ODAD3: variants seen among roughly 807,000 people sequenced by gnomAD.
ODAD3 encodes outer dynein arm docking complex subunit 3.
In ODAD3, 57 loss-of-function variants were observed where a neutral mutation model predicts 70.9. That is an observed-to-expected ratio of 0.80 (90% CI 0.65 to 1.00). ODAD3 has a LOEUF of 1.00. Ranked by LOEUF, ODAD3 falls within the 50% of genes least tolerant of loss-of-function variation. The pLI is 0.00. For synonymous variants in ODAD3, 327 were observed against 315.9 expected (o/e 1.04, Z -0.37); for missense variants, 797 against 763.9 (o/e 1.04, Z -0.51).
chr19:11,426,993 C>A lies in ODAD3; in HGVS notation c.492G>T (p.Gln164His). ...DHRLREKVKQQNALRHQVVLR... is the reference protein window; with the variant it reads ...DHRLREKVKQHNALRHQVVLR... ...ACACCACCTGGTGCCGCAGGGCGTT[C>A]TGCTGCTTCACCTTCTCCCTCAGCC... is the stretch of plus-strand genomic sequence containing the variant. Residue 164 changes from glutamine (Q) to histidine (H), a missense_variant, in exon 4 of 13, where the codon CAG becomes CAT. Coordinates refer to ENST00000356392, the MANE Select transcript of ODAD3 (RefSeq NM_145045.5). The A allele has an allele frequency of 1.2e-6, 2 of 1,604,832 alleles. No homozygotes were observed. The highest frequency in any genetic ancestry group is 2.2e-5 in the East Asian group (1 of 44,842).
chr19:11,431,800 G>A lies in ODAD3; in HGVS notation c.245-780C>T, dbSNP rs558539850. ...ATACAAAAAAAAAAAAAAATTAGCC[G>A]TGCATGGTGGCAGGCACCTGTAGTC... On this transcript the variant is annotated intron_variant, in intron 1 of 12. Transcript: ENST00000356392. Among the ~76,000 whole-genome samples, 12 of 151,096 alleles carry A rather than the reference G, an allele frequency of 7.9e-5. No individual in the cohort carries two copies. The South Asian group carries it at 1.0e-3, about 13-fold the overall frequency.
At position 11,421,726 on chromosome 19, in the gene ODAD3, A is replaced by G. The variant is rs941051010; in HGVS notation, c.1541T>C (p.Leu514Pro). Residue 514 changes from leucine (L) to proline (P), a missense_variant, in exon 11 of 13, where the codon CTC (leucine) becomes CCC (proline). Physicochemically the swap from Leu to Pro is moderately conservative, Grantham distance 98. Transcript: ENST00000356392. ...CATCTCCTGCACGTCGTGGCCCTGG[A>G]GCTGCGCCTGCAGTTTCAGCAGCTT... The part of the protein sequence containing the change: ...EEKLLKLQAQ[L>P]QGHDVQEMLC... 3.1e-6 allele frequency: 5 copies of G among 1,613,178 alleles called. No individual in the cohort carries two copies. Among genetic ancestry groups the G allele is most frequent in the African/African-American group, 2.7e-5 (2 of 74,896 alleles).
intron 7 of ODAD3, among the ~76,000 whole-genome samples, chr19:11,425,388 CATATGTGTATATGTATATATACAT>C (rs1414336861): frequency 8.8e-6 from 1 of 113,650 alleles, no homozygotes; most frequent in East Asian, 2.9e-4. Context: ...TGTGTATGTA[CATATGTGTATATGTATATATACAT>C]ATATGTGTAT....
At position 11,422,153 on chromosome 19, in the gene ODAD3, C is replaced by T. The variant is rs1210622846; in HGVS notation, c.1434+318G>A. Among the ~76,000 whole-genome samples, 1 of 152,216 alleles carries T rather than the reference C, an allele frequency of 6.6e-6. No homozygotes were observed. Among genetic ancestry groups the T allele is most frequent in the African/African-American group, 2.4e-5 (1 of 41,454 alleles). ...GATAGGTCTTCTGTCTCGGGCTGCT[C>T]CAGAACTGCAGATAGGTCTCCGAGC... On this transcript the variant is annotated intron_variant, in intron 10 of 12. Transcript: ENST00000356392. This position sits in a 1 kb window ranked among gnomAD's most constrained non-coding sequence, Gnocchi z 4.6.
Position 11,434,904 on chromosome 19 carries a change from T to G in ODAD3, c.113A>C (p.His38Pro), listed in dbSNP as rs1194442748. 3.1e-6 allele frequency: 5 copies of G among 1,613,952 alleles called. No individual in the cohort carries two copies. In the African/African-American group the frequency reaches 6.7e-5, roughly 22 times the overall value. ...KGREASGKPS[H>P]LRGKGTAQAW... ...CTGGGCTGTGCCCTTGCCTCGGAGGTGGCTGGGTTTGCCCGAAGCCTCCCT... is the reference window on the plus strand; with the variant it reads ...CTGGGCTGTGCCCTTGCCTCGGAGGGGGCTGGGTTTGCCCGAAGCCTCCCT... The change falls in exon 1 of 13, where the codon CAC (histidine) becomes CCC (proline). Residue 38 changes from histidine to proline, a missense_variant. Physicochemically the swap from His to Pro is moderately conservative, Grantham distance 77. Transcript: ENST00000356392.
Position 11,426,130 on chromosome 19 carries a change from CT to C in ODAD3, c.963+13del, listed in dbSNP as rs1033345708. The C allele has an allele frequency of 1.2e-6, 2 of 1,602,186 alleles. No individual in the cohort carries two copies. The highest frequency in any genetic ancestry group is 1.7e-6 in the Non-Finnish European group (2 of 1,177,216). On this transcript the variant is annotated intron_variant, in intron 7 of 12. Coordinates refer to ENST00000356392, the MANE Select transcript of ODAD3 (RefSeq NM_145045.5). Reference sequence around the variant, plus strand: ...GGGCTGGAGTCACAGGCGCGCACCCCTGGGTGCGCCCACCTTGCGCTCCATG... The same window carrying C: ...GGGCTGGAGTCACAGGCGCGCACCCCGGGTGCGCCCACCTTGCGCTCCATG...
rs549491869 is a variant in ODAD3 at position 11,421,850 on chromosome 19, C to T, written c.1435-18G>A. 7.5e-6 allele frequency: 12 copies of T among 1,606,066 alleles called. No individual in the cohort carries two copies. The highest frequency in any genetic ancestry group is 1.0e-5 in the Non-Finnish European group (12 of 1,176,378). On this transcript the variant is annotated intron_variant, in intron 10 of 12. Coordinates refer to ENST00000356392, the MANE Select transcript of ODAD3 (RefSeq NM_145045.5). Reference sequence around the variant, plus strand: ...CCGTCCTCCTGCGGCCAGGGTAGAGCCGGGTCAGCCGAGAGGGGTGGGGCC... The same window carrying T: ...CCGTCCTCCTGCGGCCAGGGTAGAGTCGGGTCAGCCGAGAGGGGTGGGGCC...
chr19:11,426,512 G>T lies in ODAD3; in HGVS notation c.774C>A (p.Thr258=), dbSNP rs1346219352. The T allele has an allele frequency of 6.2e-7, 1 of 1,613,946 alleles. No homozygotes were observed. Among genetic ancestry groups the T allele is most frequent in the Non-Finnish European group, 8.5e-7 (1 of 1,179,986 alleles). Reference sequence around the variant, plus strand: ...CGTGCAGTGCCTCCAGCTCATGTTTGGTCCTCACCACCTCAGCCTCCATGG... The same window carrying T: ...CGTGCAGTGCCTCCAGCTCATGTTTTGTCCTCACCACCTCAGCCTCCATGG... ...LDSMEAEVVR[T]KHELEALHVV... The change falls in exon 6 of 13, where the codon ACC becomes ACA. Residue 258 remains threonine, a synonymous_variant. Coordinates refer to ENST00000356392, the MANE Select transcript of ODAD3 (RefSeq NM_145045.5).
rs185183946 is a variant in ODAD3, at chr19:11,432,137, A to C, written c.245-1117T>G. On this transcript the variant is annotated intron_variant, in intron 1 of 12. Transcript: ENST00000356392. ...AAAAACAAAACAAAACAAAACAAAA[A>C]ACCCCAAAATCCTTCCATACTCAAG... Among the ~76,000 whole-genome samples, 105 of 152,094 alleles carry C rather than the reference A, an allele frequency of 6.9e-4. 1 individual carries two copies. In the East Asian group the frequency reaches 0.018, roughly 25 times the overall value.
rs1039712925 is a variant in ODAD3, at chr19:11,430,916, G to T, written c.349C>A (p.Leu117Met). ...RKETKALELK[L>M]LDLLKGDEKV... ...CCCCTTACCTTGAGCAGGTCCAGCA[G>T]CTTTAGTTCCAGTGCCTTAGTCTCC... Residue 117 changes from leucine (L) to methionine (M), a missense_variant, in exon 2 of 13, where the codon CTG becomes ATG. Physicochemically the swap from Leu to Met is conservative, Grantham distance 15. Coordinates refer to ENST00000356392, the MANE Select transcript of ODAD3 (RefSeq NM_145045.5). 6.2e-7 allele frequency: 1 copy of T among 1,614,046 alleles called. No individual in the cohort carries two copies. Among genetic ancestry groups the T allele is most frequent in the Non-Finnish European group, 8.5e-7 (1 of 1,180,014 alleles).
intron 3 of ODAD3, among the ~76,000 whole-genome samples, chr19:11,429,951 C>T (rs964612763): frequency 6.6e-6 from 1 of 151,724 alleles, no homozygotes; most frequent in Non-Finnish European, 1.5e-5. Context: ...AATCCTCCAG[C>T]CTCAGCCTCC....
At chr19:11,425,555 G>A (rs1276816221) in intron 7 of ODAD3, among the ~76,000 whole-genome samples, 1 of 134,444 alleles carries the variant, frequency 7.4e-6, no homozygotes, top group Non-Finnish European at 1.5e-5. Flanking sequence ...ATGTATATAT[G>A]TATATATGTG....
At position 11,422,348 on chromosome 19, in the gene ODAD3, G is replaced by C. The variant is rs959055899; in HGVS notation, c.1434+123C>G. On this transcript the variant is annotated intron_variant, in intron 10 of 12. Coordinates refer to ENST00000356392, the MANE Select transcript of ODAD3 (RefSeq NM_145045.5). The surrounding 1 kb of genome is among the most constrained non-coding windows in gnomAD (Gnocchi z 4.6). ...CCTGTGGGCGGGGCCTCTGACGTCCGGGACAGAGGATGTGGCAGGCCACGT... is the reference window on the plus strand; with the variant it reads ...CCTGTGGGCGGGGCCTCTGACGTCCCGGACAGAGGATGTGGCAGGCCACGT... 8 of 1,237,018 alleles carry C rather than the reference G, an allele frequency of 6.5e-6. No individual in the cohort carries two copies. In the East Asian group the frequency reaches 1.8e-4, roughly 29 times the overall value. The allele number at this position is 1,237,018 out of a possible 1,614,324, so 76.6% of individuals were successfully genotyped here. A position where few individuals can be genotyped will look rare whatever the true frequency, so the allele number is the denominator to read the frequency against.
chr19:11,425,457 GTGTGTGTATATATGTATATA>G lies in ODAD3; in HGVS notation c.963+667_963+686del, dbSNP rs1188318519. Among the ~76,000 whole-genome samples the G allele has an allele frequency of 4.2e-4, 56 of 133,462 alleles. 1 individual carries two copies. The highest frequency in any genetic ancestry group is 7.2e-4 in the Non-Finnish European group (46 of 64,206). The allele number at this position is 133,462 out of a possible 152,430, so 87.6% of individuals were successfully genotyped here. Reference sequence around the variant, plus strand: ...TGTGTATATGTATATATACATATATGTGTGTGTATATATGTATATATGTGTGTATATATGTATATATGTAT... The same window carrying G: ...TGTGTATATGTATATATACATATATGTGTGTGTATATATGTATATATGTAT... On this transcript the variant is annotated intron_variant, in intron 7 of 12. Transcript: ENST00000356392.
chr19:11,435,566 G>A, upstream of ODAD3: 1 of 737,814 alleles, frequency 1.4e-6, no homozygotes. Flanking sequence ...CCAACATGGC[G>A]ACCCTGAGTC....
chr19:11,435,169 G>C, upstream of ODAD3: 2 of 1,432,338 alleles, frequency 1.4e-6, no homozygotes, highest in South Asian at 3.0e-5. Context: ...CGGTTGCCAG[G>C]TAACCGCCTC....
At chr19:11,424,085 G>A in intron 7 of ODAD3, 56 bp from the exon 8 acceptor site, 1 of 1,570,206 alleles carries the variant, frequency 6.4e-7, no homozygotes, top group Non-Finnish European at 8.6e-7. Flanking sequence ...GCTTGGGAAG[G>A]AGGCCGGGGA....
At chr19:11,425,381 G>GTA (rs1969315136) in intron 7 of ODAD3, among the ~76,000 whole-genome samples, 28 of 101,176 alleles carry the variant, frequency 2.8e-4, no homozygotes, top group African/African-American at 1.0e-3. Context: ...ATATATGTGT[G>GTA]TATGTACATA....
chr19:11,425,287 A>C lies in ODAD3; in HGVS notation c.963+857T>G, dbSNP rs1202478275. Among the ~76,000 whole-genome samples, 4 of 139,696 alleles carry C rather than the reference A, an allele frequency of 2.9e-5. 1 individual carries two copies. Among genetic ancestry groups the C allele is most frequent in the African/African-American group, 8.9e-5 (3 of 33,872 alleles). 91.6% of individuals were successfully genotyped at this position (139,696 alleles called of 152,430 possible). Reference sequence around the variant, plus strand: ...TATGTGTATATGTGTGTATATGTACATATGTGTATATATGTGTATGTGTAC... The same window carrying C: ...TATGTGTATATGTGTGTATATGTACCTATGTGTATATATGTGTATGTGTAC... On this transcript the variant is annotated intron_variant, in intron 7 of 12. Transcript: ENST00000356392.
Sources: allele counts gnomAD v4.1 joint callset (sites outside exome capture counted in the v4.1 genomes callset), GRCh38; gene constraint gnomAD v4.1.1; non-coding constraint Gnocchi (gnomAD v3.1); transcripts MANE v1.5; gene names NCBI Gene and HGNC (gene_info 2026-07-23, HGNC 2026-07-21).